ZNF48: variants seen among roughly 807,000 people sequenced by gnomAD.
ZNF48 encodes zinc finger protein 48.
Under a neutral mutation model 40.0 loss-of-function variants are expected in ZNF48, and 20 were observed. The observed-to-expected ratio is 0.50, with a 90% CI of 0.35 to 0.73. The LOEUF (loss-of-function observed/expected upper bound fraction) is 0.73, where lower values mean the gene tolerates loss of function less well. Among genes scored for constraint, ZNF48 ranks in the 30% least tolerant of loss-of-function variants. ZNF48 has a pLI of 0.01. For synonymous variants in ZNF48, 298 were observed against 329.7 expected, an observed-to-expected ratio of 0.90 and a Z score of 1.04; for missense variants, 726 against 851.9, an observed-to-expected ratio of 0.85 and a Z score of 1.84.
upstream of ZNF48, chr16:30,395,159 G>A (rs2049969456): frequency 2.2e-6 from 1 of 452,954 alleles, no homozygotes; most frequent in South Asian, 1.6e-5. The surrounding 1 kb of genome is among the most constrained non-coding windows in gnomAD (Gnocchi z 5.9). Flanking sequence ...TCGGCCGGCC[G>A]GGGAGGTCGG....
In ZNF48 at chr16:30,397,606, A is replaced by G; in HGVS notation, c.356A>G (p.Lys119Arg). ...GCCGCTGTGTGTGGTGAGTGTGGCA[A>G]AAGCTTCAGGCAGATGTCAGATCTG... ...DRAAVCGECG[K>R]SFRQMSDLVK... The change falls in exon 3 of 3, where the codon AAA (lysine) becomes AGA (arginine). Residue 119 changes from lysine to arginine, a missense_variant. This residue lies in a region of ZNF48 where 151 missense variants were observed against 162.3 expected (regional missense o/e 0.93). Coordinates refer to ENST00000613509, the MANE Select transcript of ZNF48 (RefSeq NM_001214909.2). The surrounding 1 kb of genome is among the most constrained non-coding windows in gnomAD (Gnocchi z 4.1). The G allele has an allele frequency of 1.9e-6, 3 of 1,614,158 alleles. No individual in the cohort carries two copies. Among genetic ancestry groups the G allele is most frequent in the Admixed American group, 3.3e-5 (2 of 60,018 alleles).
chr16:30,387,579 A>G (rs2049911421), intron 1 of ZNF48, among the ~76,000 whole-genome samples: 1 of 149,602 alleles, frequency 6.7e-6, no homozygotes. Context: ...AACCAAAAAA[A>G]GACAGAGTTT....
intron 1 of ZNF48, chr16:30,379,068 G>C: frequency 6.8e-6 from 11 of 1,614,034 alleles, no homozygotes; most frequent in Non-Finnish European, 9.3e-6. Flanking sequence ...TCTGTAGGCA[G>C]CGGGCCCGGT....
chr16:30,387,794 G>A (rs1044906917), intron 1 of ZNF48, among the ~76,000 whole-genome samples: 4 of 151,644 alleles, frequency 2.6e-5, no homozygotes, highest in Admixed American at 6.6e-5. Flanking sequence ...TCTGACCTCA[G>A]GTGCTCTGCC....
chr16:30,398,757 G>C lies in ZNF48; in HGVS notation c.1507G>C (p.Gly503Arg). Residue 503 changes from glycine to arginine, a missense_variant, in exon 3 of 3, where the codon GGT becomes CGT. Transcript: ENST00000613509. The surrounding 1 kb of genome is among the most constrained non-coding windows in gnomAD (Gnocchi z 6.6). ...AGTCAAGCACCTCCGCACCCACCGT[G>C]GTGAACGGGCCCGGCCACCACCACC... is the stretch of plus-strand genomic sequence containing the variant. ...ARVKHLRTHR[G>R]ERARPPPPST... The C allele has an allele frequency of 6.2e-7, 1 of 1,613,800 alleles. No individual in the cohort carries two copies. Among genetic ancestry groups the C allele is most frequent in the Admixed American group, 1.7e-5 (1 of 60,016 alleles).
At chr16:30,384,200 G>T (rs565859603) in intron 1 of ZNF48, among the ~76,000 whole-genome samples, 269 of 150,378 alleles carry the variant, frequency 1.8e-3, no homozygotes, top group Middle Eastern at 3.6e-3. Flanking sequence ...GGGCAACAGA[G>T]CAAGACCCTA....
rs772170919 is a variant in ZNF48 at position 30,381,099 on chromosome 16, G to T, written c.-16+2689G>T. 6.4e-7 allele frequency: 1 copy of T among 1,565,218 alleles called. No homozygotes were observed. Among genetic ancestry groups the T allele is most frequent in the South Asian group, 1.1e-5 (1 of 90,104 alleles). ...GAAATCAGGTTTGGCTTCACATGGGGTCAAAGGTCAGAGGTCATCACTCAC... is the reference window on the plus strand; with the variant it reads ...GAAATCAGGTTTGGCTTCACATGGGTTCAAAGGTCAGAGGTCATCACTCAC... On this transcript the variant is annotated intron_variant, in intron 1 of 2. Transcript: ENST00000528032. The surrounding 1 kb of genome is among the most constrained non-coding windows in gnomAD (Gnocchi z 4.3).
At chr16:30,393,140 G>A (rs1041844860), upstream of ZNF48, among the ~76,000 whole-genome samples, 5 of 151,936 alleles carry the variant, frequency 3.3e-5, no homozygotes, top group Middle Eastern at 6.8e-3. Context: ...GCAATGGCGC[G>A]ATCTCAGCTC....
chr16:30,378,785 G>A (rs2084364968), intron 1 of ZNF48: 1 of 1,369,882 alleles, frequency 7.3e-7, no homozygotes, highest in Non-Finnish European at 1.0e-6. Flanking sequence ...CTGGGGCGAG[G>A]TTGGGGTCTA....
exon 1 of ZNF48, chr16:30,378,352 G>A: frequency 1.5e-6 from 2 of 1,326,812 alleles, no homozygotes; most frequent in Non-Finnish European, 2.0e-6. Flanking sequence ...GTCCCGGGGG[G>A]CGCTGGGCAG....
chr16:30,386,967 G>A (rs2049905734), intron 1 of ZNF48, among the ~76,000 whole-genome samples: 1 of 114,158 alleles, frequency 8.8e-6, no homozygotes, highest in Non-Finnish European at 1.7e-5. Context: ...TTTTGAGACA[G>A]AGTCTTGCTC....
chr16:30,398,259 G>A lies in ZNF48; in HGVS notation c.1009G>A (p.Gly337Ser), dbSNP rs1472487569. The change falls in exon 3 of 3, where the codon GGC becomes AGC. Residue 337 changes from glycine (G) to serine (S), a missense_variant. Gly to Ser is a moderately conservative substitution (Grantham distance 56). This residue lies in a region of ZNF48 where 378 missense variants were observed against 449.1 expected (regional missense o/e 0.84). Coordinates refer to ENST00000613509, the MANE Select transcript of ZNF48 (RefSeq NM_001214909.2). The surrounding 1 kb of genome is among the most constrained non-coding windows in gnomAD (Gnocchi z 6.6). ...GAAGCCCTACCTCTGCCCAGAGTGCGGCAAAGGTTTCGCGGACAGCTCCGC... is the reference window on the plus strand; with the variant it reads ...GAAGCCCTACCTCTGCCCAGAGTGCAGCAAAGGTTTCGCGGACAGCTCCGC... ...GEKPYLCPEC[G>S]KGFADSSARV... 1.2e-6 allele frequency: 2 copies of A among 1,613,508 alleles called. No individual in the cohort carries two copies. The highest frequency in any genetic ancestry group is 1.7e-6 in the Non-Finnish European group (2 of 1,180,020).
In ZNF48 at chr16:30,381,182, A is replaced by T; in HGVS notation, c.-16+2772A>T. ...CATCAGAGCATCCGCTTTGCCAATG[A>T]CTGGGATGATGTTGACTTTCTCGTG... On this transcript the variant is annotated intron_variant, in intron 1 of 2. Coordinates refer to the ZNF48 transcript ENST00000528032. This position sits in a 1 kb window ranked among gnomAD's most constrained non-coding sequence, Gnocchi z 4.3. 1 of 1,613,982 alleles carries T rather than the reference A, an allele frequency of 6.2e-7. No individual in the cohort carries two copies. Among genetic ancestry groups the T allele is most frequent in the Non-Finnish European group, 8.5e-7 (1 of 1,179,994 alleles).
intron 1 of ZNF48, chr16:30,379,513 C>T (rs960799078): frequency 3.1e-6 from 5 of 1,613,890 alleles, no homozygotes; most frequent in Non-Finnish European, 4.2e-6. Flanking sequence ...CATGATCCCA[C>T]GACTGCAAAA....
At chr16:30,378,364 G>T in exon 1 of ZNF48, 1 of 1,407,782 alleles carries the variant, frequency 7.1e-7, no homozygotes, top group Non-Finnish European at 9.5e-7. Context: ...GCTGGGCAGT[G>T]TGGGGCGCGG....
chr16:30,388,027 C>T (rs956933048), intron 1 of ZNF48, among the ~76,000 whole-genome samples: 8 of 150,992 alleles, frequency 5.3e-5, no homozygotes, highest in Middle Eastern at 3.4e-3. Context: ...AGTGCAATGG[C>T]GCGATCTCGG....
rs1284738381 is a variant in ZNF48, at chr16:30,380,048, A to C, written c.-16+1638A>C. ...TGATCCCGGATCTCAGGGGAAACAG[A>C]TATAGAGACAGTGTGAAACGGGCCA... On this transcript the variant is annotated intron_variant, in intron 1 of 2. Coordinates refer to the ZNF48 transcript ENST00000528032. 4 of 1,600,730 alleles carry C rather than the reference A, an allele frequency of 2.5e-6. No individual in the cohort carries two copies. The African/African-American group carries it at 5.4e-5, about 22-fold the overall frequency.
chr16:30,391,710 T>C (rs2049943803), upstream of ZNF48, among the ~76,000 whole-genome samples: 2 of 151,756 alleles, frequency 1.3e-5, no homozygotes. Flanking sequence ...TTGGCCAAAC[T>C]GGTCTCGAAC....
At chr16:30,378,463 C>A in intron 1 of ZNF48, 1 of 1,575,594 alleles carries the variant, frequency 6.3e-7, no homozygotes, top group South Asian at 1.1e-5. Flanking sequence ...TCGCCCTGGG[C>A]CTGGCTCTGC....
Sources: allele counts gnomAD v4.1 joint callset (sites outside exome capture counted in the v4.1 genomes callset), GRCh38; gene constraint gnomAD v4.1.1; regional missense constraint gnomAD v4.1.1; non-coding constraint Gnocchi (gnomAD v3.1); transcripts MANE v1.5; gene names NCBI Gene and HGNC (gene_info 2026-07-23, HGNC 2026-07-21).